The following ST3GAL3 variants were observed in gnomAD, a reference collection of about 807,000 sequenced individuals.
ST3GAL3 encodes the protein ST3 beta-galactoside alpha-2,3-sialyltransferase 3, also known as CMP-N-acetylneuraminate-beta-1,4-galactoside alpha-2,3-sialyltransferase.
ST3GAL3 carries 21 observed loss-of-function variants against 50.1 expected under a neutral mutation model. The ratio of observed to expected loss-of-function variants is 0.42; its 90% CI spans 0.30 to 0.60. ST3GAL3 has a LOEUF of 0.60. Among genes scored for constraint, ST3GAL3 ranks in the 20% least tolerant of loss-of-function variants. The pLI, the probability that ST3GAL3 is intolerant of heterozygous loss-of-function variation, is 0.19. For missense variants in ST3GAL3, 353 were observed against 489.4 expected (o/e 0.72, Z 2.63); for synonymous variants, 183 against 190.0 (o/e 0.96, Z 0.30).
chr1:43,711,528 G>A (rs1337031373), intron 1 of ST3GAL3, among the ~76,000 whole-genome samples: 3 of 152,256 alleles, frequency 2.0e-5, no homozygotes, highest in Admixed American at 2.0e-4. Flanking sequence ...CTCATCTGGG[G>A]TATCACAGCC....
chr1:43,744,707 A>G (rs1682814492), intron 2 of ST3GAL3, among the ~76,000 whole-genome samples: 1 of 147,416 alleles, frequency 6.8e-6, no homozygotes, highest in Non-Finnish European at 1.5e-5. Context: ...TAAAAAATAA[A>G]ATAAAATATA....
chr1:43,872,226 G>A (rs57080990), intron 5 of ST3GAL3, among the ~76,000 whole-genome samples: 2,576 of 70,708 alleles, frequency 0.036, 223 homozygotes, highest in African/African-American at 0.16. Flanking sequence ...GTGGGGGGCC[G>A]GGAGTAGGAG....
At chr1:43,836,552 C>T (rs913134909) in intron 4 of ST3GAL3, among the ~76,000 whole-genome samples, 1 of 152,234 alleles carries the variant, frequency 6.6e-6, no homozygotes, top group African/African-American at 2.4e-5. Context: ...CACCCCACAC[C>T]CACCCAGTCC....
rs186898471 is a variant in ST3GAL3, at chr1:43,718,096, C to T, written c.-31+10403C>T. Reference sequence around the variant, plus strand: ...CCATGTTGATCAGGCTGGTCTTGAACTCTTGACCTCAGGTGATCTGCCTGC... The same window carrying T: ...CCATGTTGATCAGGCTGGTCTTGAATTCTTGACCTCAGGTGATCTGCCTGC... On this transcript the variant is annotated intron_variant, in intron 1 of 11. Coordinates refer to ENST00000347631, the MANE Select transcript of ST3GAL3 (RefSeq NM_006279.5). 2.1e-3 allele frequency among the ~76,000 whole-genome samples: 319 copies of T among 151,218 alleles called. 1 individual carries two copies. Among genetic ancestry groups the T allele is most frequent in the Non-Finnish European group, 3.6e-3 (242 of 67,830 alleles).
At chr1:43,864,041 G>A (rs1293787905) in intron 5 of ST3GAL3, among the ~76,000 whole-genome samples, 1 of 152,230 alleles carries the variant, frequency 6.6e-6, no homozygotes, top group Non-Finnish European at 1.5e-5. Flanking sequence ...CACTTTGGGA[G>A]CTTGAGGCAG....
At chr1:43,898,472 T>G in intron 7 of ST3GAL3, 174 bp downstream of exon 7, 2 of 699,314 alleles carry the variant, frequency 2.9e-6, no homozygotes, top group Non-Finnish European at 5.1e-6. Flanking sequence ...TCCACCTGAC[T>G]TGCACCCCCA....
At chr1:43,791,131 T>TC (rs1246031403) in intron 2 of ST3GAL3, among the ~76,000 whole-genome samples, 2 of 152,238 alleles carry the variant, frequency 1.3e-5, no homozygotes, top group Non-Finnish European at 2.9e-5. Context: ...ATCCTTCAGC[T>TC]ATGAGTTCAA....
intron 6 of ST3GAL3, among the ~76,000 whole-genome samples, chr1:43,897,741 G>T (rs2077592771): frequency 6.6e-6 from 1 of 152,336 alleles, no homozygotes; most frequent in South Asian, 2.1e-4. Context: ...AGGGAAAGGT[G>T]ATGTCAGATA....
intron 6 of ST3GAL3, among the ~76,000 whole-genome samples, 154 bp downstream of exon 6, chr1:43,894,631 T>C (rs1464932251): frequency 1.3e-5 from 2 of 151,612 alleles, no homozygotes; most frequent in African/African-American, 2.4e-5. Context: ...CTTCCTTTTT[T>C]TGTTTGTTTG....
At chr1:43,708,274 A>C (rs72884935) in intron 1 of ST3GAL3, 1 of 152,074 alleles carries the variant, frequency 6.6e-6, no homozygotes. Context: ...TCCCATGAAC[A>C]TTTTGGATTC....
chr1:43,760,116 A>G (rs929866979), intron 2 of ST3GAL3, among the ~76,000 whole-genome samples: 1 of 152,224 alleles, frequency 6.6e-6, no homozygotes, highest in African/African-American at 2.4e-5. Flanking sequence ...GAAAGAAATG[A>G]TAGACAAAGT....
At chr1:43,875,875 G>A (rs1473184340) in intron 5 of ST3GAL3, among the ~76,000 whole-genome samples, 2 of 151,596 alleles carry the variant, frequency 1.3e-5, no homozygotes, top group African/African-American at 2.4e-5. Flanking sequence ...TACTGCACCT[G>A]ATGATAATTG....
chr1:43,717,326 G>C (rs1179340256), intron 1 of ST3GAL3, among the ~76,000 whole-genome samples: 3 of 152,066 alleles, frequency 2.0e-5, no homozygotes, highest in Admixed American at 2.0e-4. Flanking sequence ...TTCCAGCATA[G>C]TTACTTTGCA....
intron 10 of ST3GAL3, 88 bp downstream of exon 10, chr1:43,920,638 C>T (rs1184403356): frequency 5.0e-6 from 8 of 1,603,352 alleles, no homozygotes; most frequent in Admixed American, 1.7e-5. Context: ...TGGGGCAGTG[C>T]TTCTGCAAAA....
intron 2 of ST3GAL3, among the ~76,000 whole-genome samples, chr1:43,744,567 C>T (rs904974060): frequency 2.0e-5 from 3 of 151,252 alleles, no homozygotes; most frequent in East Asian, 1.9e-4. Flanking sequence ...ATAAACTTCT[C>T]GTTTAAAAAA....
intron 1 of ST3GAL3, among the ~76,000 whole-genome samples, chr1:43,726,524 T>C (rs1339972726): frequency 6.6e-6 from 1 of 152,194 alleles, no homozygotes. Context: ...TGGCCTCATG[T>C]GATCCTCCTA....
chr1:43,836,786 T>C (rs2064403102), intron 4 of ST3GAL3, among the ~76,000 whole-genome samples: 1 of 152,242 alleles, frequency 6.6e-6, no homozygotes, highest in Admixed American at 6.5e-5. Context: ...GTTCTTTGGC[T>C]GTGATCTTCT....
chr1:43,733,762 A>G (rs557182905), intron 1 of ST3GAL3, among the ~76,000 whole-genome samples: 2 of 152,294 alleles, frequency 1.3e-5, no homozygotes, highest in South Asian at 4.1e-4. Flanking sequence ...ATGAAACTGA[A>G]TTTATAGAAA....
intron 3 of ST3GAL3, among the ~76,000 whole-genome samples, chr1:43,805,166 G>A (rs915930860): frequency 7.2e-5 from 11 of 152,178 alleles, no homozygotes; most frequent in African/African-American, 2.7e-4. Context: ...AATCCAATTG[G>A]AAGCTAAACA....
Sources: gnomAD v4.1 joint callset for allele counts (sites outside exome capture counted in the v4.1 genomes callset) on GRCh38, gnomAD v4.1.1 for gene constraint, MANE v1.5 for transcripts, NCBI Gene and HGNC (gene_info 2026-07-23, HGNC 2026-07-21) for gene names.